LOC400499: variants seen among roughly 807,000 people sequenced by gnomAD.
chr16:11,475,274 A>T, the LOC400499 span, among the ~76,000 whole-genome samples: 38 of 152,308 alleles, frequency 2.5e-4, 1 homozygote, highest in East Asian at 7.3e-3. Flanking sequence ...GCACATGTAC[A>T]CCTATGTAAC....
chr16:11,389,239 C>A, the LOC400499 span, among the ~76,000 whole-genome samples: 1 of 152,252 alleles, frequency 6.6e-6, no homozygotes, highest in African/African-American at 2.4e-5. Flanking sequence ...TTCATAGGAT[C>A]CACCCCCCCA....
At chr16:11,503,262 G>A in the LOC400499 span, among the ~76,000 whole-genome samples, 1 of 152,108 alleles carries the variant, frequency 6.6e-6, no homozygotes, top group Non-Finnish European at 1.5e-5. Flanking sequence ...ATTATTAACA[G>A]TGATGGCTAA....
At chr16:11,515,503 GTACATACATACATACATACGTACA>G in the LOC400499 span, among the ~76,000 whole-genome samples, 76 of 145,124 alleles carry the variant, frequency 5.2e-4, no homozygotes, top group African/African-American at 2.1e-3. Flanking sequence ...ACATACGTAC[GTACATACATACATACATACGTACA>G]TACATACATA....
At chr16:11,505,061 G>C in the LOC400499 span, among the ~76,000 whole-genome samples, 3 of 151,922 alleles carry the variant, frequency 2.0e-5, no homozygotes, top group African/African-American at 7.3e-5. Flanking sequence ...GTGGCCGCAT[G>C]CTACTCAGTA....
the LOC400499 span, among the ~76,000 whole-genome samples, chr16:11,457,315 C>A: frequency 6.6e-6 from 1 of 152,138 alleles, no homozygotes; most frequent in African/African-American, 2.4e-5. Context: ...AAGATCGGGC[C>A]GGGCACGGTG....
At chr16:11,482,930 G>A in the LOC400499 span, among the ~76,000 whole-genome samples, 3 of 150,864 alleles carry the variant, frequency 2.0e-5, no homozygotes, top group African/African-American at 7.3e-5. Context: ...TCAACAACTT[G>A]TTTCTGGAGT....
chr16:11,485,546 C>T, the LOC400499 span, among the ~76,000 whole-genome samples: 1 of 152,104 alleles, frequency 6.6e-6, no homozygotes, highest in African/African-American at 2.4e-5. Flanking sequence ...TCTGTCCCTC[C>T]CGTCTTCCAT....
At chr16:11,490,193 C>T in the LOC400499 span, among the ~76,000 whole-genome samples, 3,380 of 151,528 alleles carry the variant, frequency 0.022, 122 homozygotes, top group African/African-American at 0.078. Flanking sequence ...GTCAGGAGTT[C>T]GAGACCAGCC....
chr16:11,412,501 G>A, the LOC400499 span, among the ~76,000 whole-genome samples: 1 of 152,204 alleles, frequency 6.6e-6, no homozygotes, highest in African/African-American at 2.4e-5. Flanking sequence ...CTAGAGCCTG[G>A]CTGGTGGCCC....
At chr16:11,413,921 A>G in the LOC400499 span, among the ~76,000 whole-genome samples, 1 of 152,184 alleles carries the variant, frequency 6.6e-6, no homozygotes, top group African/African-American at 2.4e-5. Context: ...CAGAGCTGGG[A>G]TCTGAACATC....
At chr16:11,381,153 G>A in the LOC400499 span, 16 of 152,256 alleles carry the variant, frequency 1.1e-4, no homozygotes, top group African/African-American at 3.4e-4. Flanking sequence ...TCCCCGTGCC[G>A]GAACTCACTG....
the LOC400499 span, among the ~76,000 whole-genome samples, chr16:11,419,076 G>A: frequency 5.3e-5 from 8 of 152,220 alleles, no homozygotes; most frequent in Admixed American, 4.6e-4. Context: ...TGAAGCGGTG[G>A]AATCTCTTGA....
chr16:11,459,345 T>G, the LOC400499 span, among the ~76,000 whole-genome samples: 1 of 151,716 alleles, frequency 6.6e-6, no homozygotes, highest in African/African-American at 2.4e-5. Context: ...TACAGGCACC[T>G]GCCCCCGCGC....
chr16:11,419,474 T>G, the LOC400499 span, among the ~76,000 whole-genome samples: 1 of 146,800 alleles, frequency 6.8e-6, no homozygotes, highest in Non-Finnish European at 1.5e-5. Flanking sequence ...GACTTAAACG[T>G]TAGACCTAAA....
the LOC400499 span, among the ~76,000 whole-genome samples, chr16:11,404,041 G>C: frequency 4.6e-5 from 7 of 152,138 alleles, no homozygotes; most frequent in African/African-American, 1.7e-4. Context: ...TCATTTCCAA[G>C]TGGGGCCTTC....
At chr16:11,449,125 G>A in the LOC400499 span, 1 of 1,425,310 alleles carries the variant, frequency 7.0e-7, no homozygotes, top group Non-Finnish European at 9.4e-7. Flanking sequence ...GAGGTGAGGA[G>A]GGGGACCAAG....
At chr16:11,485,576 TCTCTTCACCTATCCTTTCATCCTTCC>T in the LOC400499 span, among the ~76,000 whole-genome samples, 1 of 152,014 alleles carries the variant, frequency 6.6e-6, no homozygotes, top group Admixed American at 6.5e-5. Context: ...CGCGCACCCC[TCTCTTCACCTATCCTTTCATCCTTCC>T]CACGCATCCA....
At chr16:11,446,274 C>T in the LOC400499 span, among the ~76,000 whole-genome samples, 1 of 152,034 alleles carries the variant, frequency 6.6e-6, no homozygotes, top group African/African-American at 2.4e-5. Context: ...CTCAGCCTCC[C>T]CAGTAGCTGG....
chr16:11,519,660 T>C, the LOC400499 span, among the ~76,000 whole-genome samples: 1 of 151,182 alleles, frequency 6.6e-6, no homozygotes, highest in African/African-American at 2.4e-5. Flanking sequence ...AATGTTATGT[T>C]AAATGAAAGA....
Sources: allele counts gnomAD v4.1 joint callset (sites outside exome capture counted in the v4.1 genomes callset), GRCh38; gene constraint gnomAD v4.1.1; transcripts MANE v1.5.